Variants in SLC71A2 observed in about 807,000 individuals in gnomAD.
The protein encoded by SLC71A2 is solute carrier family 71 member 2, also known as hippocampus abundant transcript-like 1.
the SLC71A2 span, among the ~76,000 whole-genome samples, chr9:94,414,280 G>T: frequency 6.6e-6 from 1 of 152,280 alleles, no homozygotes; most frequent in Non-Finnish European, 1.5e-5. Flanking sequence ...AGGGGACAGG[G>T]AAAACGAGTC....
the SLC71A2 span, among the ~76,000 whole-genome samples, chr9:94,437,320 A>G: frequency 1.4e-5 from 2 of 140,698 alleles, no homozygotes; most frequent in Admixed American, 1.5e-4. Flanking sequence ...ATTATTCATC[A>G]GCATTTTTCT....
At chr9:94,460,533 ATGT>A in the SLC71A2 span, 1 of 152,590 alleles carries the variant, frequency 6.6e-6, no homozygotes. Flanking sequence ...ATTTTTTGAG[ATGT>A]TTTATGGACA....
the SLC71A2 span, among the ~76,000 whole-genome samples, chr9:94,455,991 T>A: frequency 6.6e-6 from 1 of 152,166 alleles, no homozygotes; most frequent in Admixed American, 6.5e-5. Flanking sequence ...AAGAAAAGTT[T>A]GTAAAAGAAG....
the SLC71A2 span, among the ~76,000 whole-genome samples, chr9:94,422,859 T>C: frequency 6.6e-6 from 1 of 152,192 alleles, no homozygotes; most frequent in Non-Finnish European, 1.5e-5. Context: ...ATTTTTTTCA[T>C]GTGTACGTTT....
the SLC71A2 span, among the ~76,000 whole-genome samples, chr9:94,448,270 C>A: frequency 6.6e-6 from 1 of 152,180 alleles, no homozygotes; most frequent in African/African-American, 2.4e-5. Flanking sequence ...TCAAAATCTT[C>A]CCTCTCTAGA....
the SLC71A2 span, among the ~76,000 whole-genome samples, chr9:94,431,619 C>G: frequency 7.3e-5 from 11 of 151,548 alleles, no homozygotes; most frequent in Non-Finnish European, 1.5e-4. Context: ...AGACCAAAGG[C>G]TACTGAGAAC....
chr9:94,442,159 G>C, the SLC71A2 span, among the ~76,000 whole-genome samples: 1 of 152,170 alleles, frequency 6.6e-6, no homozygotes, highest in Admixed American at 6.6e-5. Context: ...GAGATTGAAT[G>C]CCAGAAACTT....
the SLC71A2 span, among the ~76,000 whole-genome samples, chr9:94,458,958 C>T: frequency 6.6e-6 from 1 of 152,162 alleles, no homozygotes; most frequent in Non-Finnish European, 1.5e-5. Flanking sequence ...GGAAGTGGTA[C>T]AAAAAGCAGT....
At chr9:94,377,868 A>C in the SLC71A2 span, among the ~76,000 whole-genome samples, 2 of 152,192 alleles carry the variant, frequency 1.3e-5, no homozygotes, top group South Asian at 4.2e-4. Flanking sequence ...GCACTTTGGG[A>C]GGCTGACGTG....
chr9:94,406,379 ACAGG>A, the SLC71A2 span, among the ~76,000 whole-genome samples: 1 of 152,128 alleles, frequency 6.6e-6, no homozygotes, highest in Admixed American at 6.6e-5. Context: ...AGCTGGGATT[ACAGG>A]CAGGCACCAC....
chr9:94,374,916 G>C, the SLC71A2 span: 1 of 1,268,368 alleles, frequency 7.9e-7, no homozygotes, highest in Non-Finnish European at 9.9e-7. Context: ...GCAGGCCGCG[G>C]GGAGCACCTG....
chr9:94,429,596 A>T, the SLC71A2 span, among the ~76,000 whole-genome samples: 1 of 152,142 alleles, frequency 6.6e-6, no homozygotes. Context: ...AGGTATACTA[A>T]AAAGAAGTAT....
the SLC71A2 span, among the ~76,000 whole-genome samples, chr9:94,404,357 G>A: frequency 1.3e-5 from 2 of 151,984 alleles, no homozygotes; most frequent in Non-Finnish European, 2.9e-5. Flanking sequence ...ATGCAGTGGT[G>A]CAATCTTGGC....
chr9:94,425,132 G>T, the SLC71A2 span, among the ~76,000 whole-genome samples: 33 of 151,336 alleles, frequency 2.2e-4, no homozygotes, highest in African/African-American at 6.6e-4. Flanking sequence ...GATCAACCTC[G>T]GCGAAACCCC....
At chr9:94,438,392 C>T in the SLC71A2 span, 1 of 1,614,120 alleles carries the variant, frequency 6.2e-7, no homozygotes, top group East Asian at 2.2e-5. Flanking sequence ...GCTTTGGTTT[C>T]CTCTCCAGGG....
At chr9:94,448,217 C>G in the SLC71A2 span, among the ~76,000 whole-genome samples, 3 of 152,138 alleles carry the variant, frequency 2.0e-5, no homozygotes, top group African/African-American at 7.2e-5. Context: ...TAGGTCATAG[C>G]TCAACTGCTG....
At chr9:94,438,601 G>A in the SLC71A2 span, 1 of 1,589,806 alleles carries the variant, frequency 6.3e-7, no homozygotes, top group East Asian at 2.2e-5. Flanking sequence ...TATTTGCAGA[G>A]CACTTCTTAA....
At chr9:94,415,022 A>G in the SLC71A2 span, 1 of 642,162 alleles carries the variant, frequency 1.6e-6, no homozygotes, top group South Asian at 2.0e-5. Flanking sequence ...ATAACACAGA[A>G]TGAAGTTTTA....
At chr9:94,445,001 C>T in the SLC71A2 span, 3 of 1,614,068 alleles carry the variant, frequency 1.9e-6, no homozygotes, top group East Asian at 4.5e-5. Context: ...GTCAGCAGCC[C>T]GGCCATTGGA....
Sources: gnomAD v4.1 joint callset for allele counts (sites outside exome capture counted in the v4.1 genomes callset) on GRCh38, gnomAD v4.1.1 for gene constraint, MANE v1.5 for transcripts, NCBI Gene and HGNC (gene_info 2026-07-23, HGNC 2026-07-21) for gene names.